The following NELL2 variants were observed in gnomAD, a reference collection of about 807,000 sequenced individuals.
NELL2 encodes protein kinase C-binding protein NELL2.
In NELL2, 41 loss-of-function variants were observed where a neutral mutation model predicts 109.6. The ratio of observed to expected loss-of-function variants is 0.37; its 90% CI spans 0.29 to 0.49. The LOEUF (loss-of-function observed/expected upper bound fraction) is 0.49. Among genes scored for constraint, NELL2 ranks in the 20% least tolerant of loss-of-function variants. The pLI is 0.98. For synonymous variants in NELL2, 355 were observed against 344.7 expected, an observed-to-expected ratio of 1.03 and a Z score of -0.33; for missense variants, 900 against 1,008.3, an observed-to-expected ratio of 0.89 and a Z score of 1.45.
At chr12:44,756,429 CCTA>C (rs1336615713) in intron 9 of NELL2, among the ~76,000 whole-genome samples, 3 of 151,884 alleles carry the variant, frequency 2.0e-5, no homozygotes, top group Non-Finnish European at 4.4e-5. Flanking sequence ...ATTCCTGAGC[CCTA>C]CATGTGCATC....
chr12:44,907,847 T>C (rs1945737228), intron 1 of NELL2, among the ~76,000 whole-genome samples: 1 of 152,200 alleles, frequency 6.6e-6, no homozygotes, highest in East Asian at 1.9e-4. Flanking sequence ...ATTCAAGAAA[T>C]AGGATATAGT....
At chr12:44,798,863 G>GA (rs909099054) in intron 3 of NELL2, among the ~76,000 whole-genome samples, 24 of 141,858 alleles carry the variant, frequency 1.7e-4, no homozygotes, top group Middle Eastern at 3.9e-3. Flanking sequence ...AATGCATAGA[G>GA]AAAAAAACAG....
At chr12:44,798,561 TA>T (rs1942712983) in intron 3 of NELL2, among the ~76,000 whole-genome samples, 1 of 152,196 alleles carries the variant, frequency 6.6e-6, no homozygotes, top group East Asian at 1.9e-4. Context: ...TGTAAATATG[TA>T]AGTCATCCTT....
At chr12:44,906,980 G>A (rs2136887618) in intron 1 of NELL2, among the ~76,000 whole-genome samples, 1 of 152,210 alleles carries the variant, frequency 6.6e-6, no homozygotes, top group East Asian at 1.9e-4. Context: ...GACCCGGTGG[G>A]AGGTAATTGA....
intron 2 of NELL2, among the ~76,000 whole-genome samples, chr12:44,857,583 G>C (rs968135947): frequency 1.3e-5 from 2 of 152,096 alleles, no homozygotes; most frequent in African/African-American, 2.4e-5. Flanking sequence ...TATCCAGACA[G>C]AGCCAGGTAA....
intron 15 of NELL2, among the ~76,000 whole-genome samples, chr12:44,582,926 G>A (rs926173424): frequency 2.6e-5 from 4 of 152,106 alleles, no homozygotes; most frequent in Non-Finnish European, 4.4e-5. Flanking sequence ...TTGTATAAAA[G>A]AAAGTTTGGC....
At chr12:44,658,876 C>CAAAAAAAAAAA (rs758903947) in intron 13 of NELL2, among the ~76,000 whole-genome samples, 4 of 97,608 alleles carry the variant, frequency 4.1e-5, no homozygotes, top group East Asian at 2.9e-4. Flanking sequence ...GACTCTGTCT[C>CAAAAAAAAAAA]CAAAAAAAAA....
At chr12:44,904,434 A>G (rs1458135378) in intron 1 of NELL2, among the ~76,000 whole-genome samples, 2 of 152,176 alleles carry the variant, frequency 1.3e-5, no homozygotes, top group Admixed American at 6.6e-5. Context: ...TAAAACTTCC[A>G]TATTCTGTCT....
chr12:44,738,772 C>T (rs909424103), intron 9 of NELL2, among the ~76,000 whole-genome samples: 5 of 152,118 alleles, frequency 3.3e-5, no homozygotes, highest in African/African-American at 9.7e-5. Context: ...TTAATAATAA[C>T]GTATTGTATA....
chr12:44,818,551 T>C (rs181833578), intron 2 of NELL2, among the ~76,000 whole-genome samples: 16 of 152,224 alleles, frequency 1.1e-4, no homozygotes, highest in South Asian at 2.1e-4. Flanking sequence ...TTTGGAAATG[T>C]GTGGCAGCTG....
At chr12:44,557,538 A>T (rs552914404) in intron 15 of NELL2, among the ~76,000 whole-genome samples, 2 of 152,254 alleles carry the variant, frequency 1.3e-5, no homozygotes, top group African/African-American at 4.8e-5. Flanking sequence ...AATCTACAAG[A>T]CTTGGTGACT....
Position 44,520,081 on chromosome 12 carries a change from T to C in NELL2, c.2324A>G (p.Asp775Gly). The change falls in exon 19 of 20, where the codon GAC becomes GGC. Residue 775 changes from aspartate to glycine, a missense_variant. Coordinates refer to ENST00000429094, the MANE Select transcript of NELL2 (RefSeq NM_001145108.2). ...IRNDITKTCL[D>G]EMNVVRFTGS... ...GGTGAAGCGAACCACATTCATTTCG[T>C]CCAGGCAAGTCTTGGTGATGTCATT... is the stretch of plus-strand genomic sequence containing the variant. 1 of 1,614,132 alleles carries C rather than the reference T, an allele frequency of 6.2e-7. No homozygotes were observed. The highest frequency in any genetic ancestry group is 2.2e-5 in the East Asian group (1 of 44,882).
intron 15 of NELL2, among the ~76,000 whole-genome samples, chr12:44,551,233 A>C (rs1271422123): frequency 6.6e-6 from 1 of 152,202 alleles, no homozygotes; most frequent in African/African-American, 2.4e-5. Context: ...CTATATCCTA[A>C]GTAAACTATT....
intron 15 of NELL2, among the ~76,000 whole-genome samples, chr12:44,579,201 T>C (rs1944232238): frequency 6.6e-6 from 1 of 152,206 alleles, no homozygotes; most frequent in Non-Finnish European, 1.5e-5. Context: ...TGCATCACTT[T>C]AGATTCAAAC....
At chr12:44,667,430 C>T (rs759763125) in intron 12 of NELL2, among the ~76,000 whole-genome samples, 16 of 152,030 alleles carry the variant, frequency 1.1e-4, no homozygotes, top group Non-Finnish European at 1.9e-4. Context: ...AAGTCATGGG[C>T]AACACGTAAA....
chr12:44,746,689 C>T (rs1169806017), intron 9 of NELL2, among the ~76,000 whole-genome samples: 1 of 152,088 alleles, frequency 6.6e-6, no homozygotes, highest in Non-Finnish European at 1.5e-5. Context: ...CCAAAAAACA[C>T]ATGAAAAAAT....
intron 13 of NELL2, among the ~76,000 whole-genome samples, chr12:44,643,336 T>C (rs768834502): frequency 2.0e-5 from 3 of 152,200 alleles, no homozygotes; most frequent in Admixed American, 6.5e-5. Flanking sequence ...TTGTGAAATA[T>C]TGATATGATA....
At chr12:44,798,131 T>G (rs1052783504) in intron 3 of NELL2, among the ~76,000 whole-genome samples, 1 of 147,798 alleles carries the variant, frequency 6.8e-6, no homozygotes, top group Non-Finnish European at 1.5e-5. Flanking sequence ...CCATCCTAGA[T>G]GGAATGATGG....
chr12:44,798,585 T>C (rs1364977371), intron 3 of NELL2, among the ~76,000 whole-genome samples: 4 of 152,144 alleles, frequency 2.6e-5, no homozygotes, highest in Admixed American at 2.6e-4. Flanking sequence ...AATTTATGTA[T>C]AGATTTAATG....
Sources: gnomAD v4.1 joint callset for allele counts (sites outside exome capture counted in the v4.1 genomes callset) on GRCh38, gnomAD v4.1.1 for gene constraint, MANE v1.5 for transcripts, NCBI Gene and HGNC (gene_info 2026-07-23, HGNC 2026-07-21) for gene names.